RP1: variants seen among roughly 807,000 people sequenced by gnomAD.
RP1 encodes oxygen-regulated protein 1.
RP1 carries 16 observed loss-of-function variants against 14.8 expected under a neutral mutation model. The observed-to-expected ratio is 1.08, with a 90% CI of 0.73 to 1.65. The LOEUF (loss-of-function observed/expected upper bound fraction) is 1.65, where lower values mean the gene tolerates loss of function less well. Ranked by LOEUF, RP1 falls within the 40% of genes most tolerant of loss-of-function variation. The pLI is 0.00. For synonymous variants in RP1, 876 were observed against 883.6 expected, an observed-to-expected ratio of 0.99 and a Z score of 0.15; for missense variants, 2,631 against 2,535.0, an observed-to-expected ratio of 1.04 and a Z score of -0.81.
At chr8:54,758,385 A>G (rs1172043541) in intron 21 of RP1, among the ~76,000 whole-genome samples, 1 of 146,884 alleles carries the variant, frequency 6.8e-6, no homozygotes, top group East Asian at 2.1e-4. Flanking sequence ...TTTACAACAA[A>G]CCCAAGAATG....
rs115954118 is a variant in RP1 at position 54,866,404 on chromosome 8, C to T, written c.4151+488C>T. 2.9e-3 allele frequency among the ~76,000 whole-genome samples: 445 copies of T among 152,210 alleles called. 3 individuals are homozygous for T. Among genetic ancestry groups the T allele is most frequent in the African/African-American group, 0.01 (425 of 41,512 alleles). ...GGCGTAGATGTAATATAACAGGAGA[C>T]TTAAGTGGCAAGGGTAACTGTAATT... On this transcript the variant is annotated intron_variant, in intron 28 of 28. Coordinates refer to the RP1 transcript ENST00000637698.
chr8:54,646,976 TAAAGAC>T (rs1407058603), intron 3 of RP1, among the ~76,000 whole-genome samples: 1 of 152,248 alleles, frequency 6.6e-6, no homozygotes, highest in Non-Finnish European at 1.5e-5. Flanking sequence ...CTGTCACTGT[TAAAGAC>T]AGACCATCCT....
rs139684021 is a variant in RP1, at chr8:54,700,608, C to G, written c.1822-878C>G. Among the ~76,000 whole-genome samples the G allele has an allele frequency of 1.6e-4, 25 of 152,134 alleles. No individual in the cohort carries two copies. In the East Asian group the frequency reaches 4.8e-3, roughly 29 times the overall value. On this transcript the variant is annotated intron_variant, in intron 13 of 22. Transcript: ENST00000636932. ...TATGACTATGGATATGGAATCTACTCCATTGAATTAAGAGTTGAAGAAATA... is the reference window on the plus strand; with the variant it reads ...TATGACTATGGATATGGAATCTACTGCATTGAATTAAGAGTTGAAGAAATA...
chr8:54,789,036 G>A (rs1380715308), intron 24 of RP1, among the ~76,000 whole-genome samples: 1 of 152,142 alleles, frequency 6.6e-6, no homozygotes, highest in Non-Finnish European at 1.5e-5. Context: ...AAAATTTTGG[G>A]GTGCTTCATG....
chr8:54,618,980 C>A (rs529777801), intron 1 of RP1, among the ~76,000 whole-genome samples: 2 of 152,178 alleles, frequency 1.3e-5, no homozygotes, highest in Non-Finnish European at 2.9e-5. Context: ...TATTTAAATA[C>A]TGAAGGAACT....
chr8:54,796,948 G>C (rs1276344829), intron 24 of RP1, among the ~76,000 whole-genome samples: 1 of 152,198 alleles, frequency 6.6e-6, no homozygotes, highest in African/African-American at 2.4e-5. Flanking sequence ...CTTGCTGAGA[G>C]ATATTATAGG....
exon 4 of RP1, chr8:54,649,113 G>C: frequency 6.6e-7 from 1 of 1,513,554 alleles, no homozygotes; most frequent in Non-Finnish European, 8.8e-7. Context: ...AACAGATGGG[G>C]CTCGATTTCA....
chr8:54,652,999 A>G (rs1806687156), intron 5 of RP1: 2 of 591,528 alleles, frequency 3.4e-6, no homozygotes, highest in South Asian at 4.7e-5. Context: ...TCAAGGCAGA[A>G]GTATCATATG....
At chr8:54,610,090 T>C (rs1805556860) in intron 1 of RP1, among the ~76,000 whole-genome samples, 1 of 152,204 alleles carries the variant, frequency 6.6e-6, no homozygotes, top group South Asian at 2.1e-4. Context: ...GAAGATTTTA[T>C]CCATACTGTT....
chr8:54,701,704 C>T, intron 14 of RP1: 1 of 1,508,032 alleles, frequency 6.6e-7, no homozygotes, highest in Non-Finnish European at 8.9e-7. Context: ...TGCTAAATCC[C>T]AACTTTCTTT....
chr8:54,606,419 C>G (rs9692994), intron 1 of RP1, among the ~76,000 whole-genome samples: 50,347 of 149,114 alleles, frequency 0.34, 9,154 homozygotes, highest in Middle Eastern at 0.48. Flanking sequence ...TCTGCTGTTA[C>G]TCTGATGGGC....
intron 1 of RP1, among the ~76,000 whole-genome samples, chr8:54,567,285 A>G (rs1052482332): frequency 2.0e-5 from 3 of 152,178 alleles, no homozygotes; most frequent in Non-Finnish European, 4.4e-5. Context: ...AAGGGCTTTC[A>G]TTATATTCTG....
chr8:54,581,419 G>A (rs953700607), intron 1 of RP1, among the ~76,000 whole-genome samples: 1 of 152,136 alleles, frequency 6.6e-6, no homozygotes, highest in East Asian at 1.9e-4. Flanking sequence ...TGGACATTTG[G>A]GTTGGTTCCA....
chr8:54,689,939 A>G (rs946781606), intron 12 of RP1, among the ~76,000 whole-genome samples: 2 of 152,036 alleles, frequency 1.3e-5, no homozygotes, highest in African/African-American at 4.8e-5. Context: ...ATTATTTCAT[A>G]GGGGATATAG....
chr8:54,559,399 C>T (rs1804233094), intron 1 of RP1: 1 of 152,000 alleles, frequency 6.6e-6, no homozygotes, highest in Admixed American at 6.6e-5. Flanking sequence ...TATAATTAGG[C>T]TTTTTAAAAG....
intron 1 of RP1, among the ~76,000 whole-genome samples, chr8:54,609,943 G>A (rs568695204): frequency 5.9e-5 from 9 of 152,214 alleles, no homozygotes; most frequent in African/African-American, 1.4e-4. Context: ...CAGCATACAC[G>A]CATATTACAC....
intron 1 of RP1, among the ~76,000 whole-genome samples, chr8:54,579,981 C>G (rs945921088): frequency 6.6e-6 from 1 of 152,138 alleles, no homozygotes; most frequent in East Asian, 1.9e-4. Flanking sequence ...GTTTGGACTT[C>G]GAGAGCCCTG....
chr8:54,730,171 C>A (rs1808759065), intron 17 of RP1, among the ~76,000 whole-genome samples: 1 of 151,954 alleles, frequency 6.6e-6, no homozygotes, highest in Non-Finnish European at 1.5e-5. Context: ...CTATGTTGAG[C>A]AGAAAAACTA....
intron 24 of RP1, among the ~76,000 whole-genome samples, chr8:54,789,886 C>T (rs1415749000): frequency 6.6e-6 from 1 of 152,186 alleles, no homozygotes. Flanking sequence ...CTTGACCCTA[C>T]CCAATTGCAG....
Sources: allele counts gnomAD v4.1 joint callset (sites outside exome capture counted in the v4.1 genomes callset), GRCh38; gene constraint gnomAD v4.1.1; transcripts MANE v1.5; gene names NCBI Gene and HGNC (gene_info 2026-07-23, HGNC 2026-07-21).